Variants in GALNT13 observed in about 807,000 individuals in gnomAD.
GALNT13 encodes the protein UDP-GalNAc:polypeptide N-acetylgalactosaminyltransferase 13.
In GALNT13, 28 loss-of-function variants were observed where a neutral mutation model predicts 64.2. That is an observed-to-expected ratio of 0.44 (90% CI 0.32 to 0.60). The LOEUF (loss-of-function observed/expected upper bound fraction) is 0.60, where lower values mean the gene tolerates loss of function less well. Ranked by LOEUF, GALNT13 falls within the 20% of genes least tolerant of loss-of-function variation. The probability of loss-of-function intolerance (pLI) is 0.05; values close to 1 mark genes in which losing one functional copy is unlikely to be tolerated. For missense variants in GALNT13, 577 were observed against 669.8 expected, an observed-to-expected ratio of 0.86 and a Z score of 1.53; for synonymous variants, 214 against 224.6, an observed-to-expected ratio of 0.95 and a Z score of 0.42.
chr2:153,920,919 C>G (rs1574118219), intron 2 of GALNT13, among the ~76,000 whole-genome samples: 1 of 151,996 alleles, frequency 6.6e-6, no homozygotes, highest in Non-Finnish European at 1.5e-5. Flanking sequence ...TCAAAACCAC[C>G]ATGAGATACC....
chr2:153,757,703 T>G, the GALNT13 span, among the ~76,000 whole-genome samples: 1 of 152,292 alleles, frequency 6.6e-6, no homozygotes, highest in Non-Finnish European at 1.5e-5. Flanking sequence ...CATACCTCAT[T>G]GTTTTAATAT....
At chr2:153,280,311 A>G in the GALNT13 span, among the ~76,000 whole-genome samples, 1 of 152,220 alleles carries the variant, frequency 6.6e-6, no homozygotes, top group Admixed American at 6.5e-5. Context: ...CCTTTCAAAA[A>G]ACCAACTTTT....
chr2:153,152,156 C>G, the GALNT13 span, among the ~76,000 whole-genome samples: 1 of 151,876 alleles, frequency 6.6e-6, no homozygotes, highest in Non-Finnish European at 1.5e-5. Context: ...ACATGGAGCT[C>G]TCCATTATTT....
chr2:154,319,417 G>A (rs1316630322), intron 9 of GALNT13, among the ~76,000 whole-genome samples: 1 of 152,130 alleles, frequency 6.6e-6, no homozygotes, highest in Non-Finnish European at 1.5e-5. Flanking sequence ...TGTAATCCCA[G>A]CATTTTGGGA....
At chr2:153,150,950 A>G in the GALNT13 span, among the ~76,000 whole-genome samples, 1 of 152,084 alleles carries the variant, frequency 6.6e-6, no homozygotes, top group Non-Finnish European at 1.5e-5. Flanking sequence ...TGACTTGGCA[A>G]TGCGGGCTCT....
chr2:153,456,112 A>G, the GALNT13 span, among the ~76,000 whole-genome samples: 2 of 152,202 alleles, frequency 1.3e-5, no homozygotes, highest in East Asian at 3.9e-4. Flanking sequence ...TAGACACATG[A>G]TGGGGCAGGG....
the GALNT13 span, among the ~76,000 whole-genome samples, chr2:153,084,883 A>C: frequency 2.4e-3 from 367 of 152,360 alleles, no homozygotes; most frequent in Non-Finnish European, 3.9e-3. Context: ...GAAATGGGGA[A>C]GTAACTTTGG....
the GALNT13 span, among the ~76,000 whole-genome samples, chr2:153,658,333 T>C: frequency 6.6e-6 from 1 of 152,140 alleles, no homozygotes; most frequent in East Asian, 1.9e-4. Flanking sequence ...TACTGAGCCC[T>C]GGTGTTATTT....
chr2:154,111,211 T>A (rs1702967243), intron 3 of GALNT13, among the ~76,000 whole-genome samples: 1 of 152,146 alleles, frequency 6.6e-6, no homozygotes, highest in Non-Finnish European at 1.5e-5. Context: ...CAGGTCATGG[T>A]TTTTTTCCTG....
At chr2:154,410,242 A>T (rs1699733643) in intron 11 of GALNT13, among the ~76,000 whole-genome samples, 1 of 151,938 alleles carries the variant, frequency 6.6e-6, no homozygotes, top group Admixed American at 6.6e-5. Flanking sequence ...CCAAAAACCA[A>T]TGAAGTCCTG....
the GALNT13 span, among the ~76,000 whole-genome samples, chr2:153,611,925 C>T: frequency 1.3e-5 from 2 of 149,048 alleles, no homozygotes; most frequent in Non-Finnish European, 3.0e-5. Context: ...TCTCATTGTT[C>T]AACTCCCACT....
At chr2:153,264,748 G>C in the GALNT13 span, among the ~76,000 whole-genome samples, 1 of 152,266 alleles carries the variant, frequency 6.6e-6, no homozygotes, top group East Asian at 1.9e-4. Context: ...TAGCTGAACA[G>C]TGAGAACACA....
chr2:153,190,645 T>G, the GALNT13 span, among the ~76,000 whole-genome samples: 15 of 152,196 alleles, frequency 9.9e-5, no homozygotes, highest in East Asian at 2.7e-3. Flanking sequence ...AGAGACTGCA[T>G]TGAATCTATA....
intron 3 of GALNT13, among the ~76,000 whole-genome samples, chr2:154,059,686 A>G (rs953838609): frequency 2.0e-5 from 3 of 151,674 alleles, no homozygotes; most frequent in South Asian, 4.2e-4. Flanking sequence ...TTCTACTAAT[A>G]GTTGGATTTT....
the GALNT13 span, among the ~76,000 whole-genome samples, chr2:153,194,145 C>T: frequency 6.6e-6 from 1 of 152,154 alleles, no homozygotes; most frequent in Non-Finnish European, 1.5e-5. Flanking sequence ...CTTTGCTAGA[C>T]TTAGGAAGTT....
chr2:153,937,666 G>A (rs1183188510), intron 2 of GALNT13, among the ~76,000 whole-genome samples: 1 of 152,182 alleles, frequency 6.6e-6, no homozygotes, highest in African/African-American at 2.4e-5. Flanking sequence ...ATCTAAGGCA[G>A]CATTTCAAAA....
At chr2:153,474,958 C>G in the GALNT13 span, among the ~76,000 whole-genome samples, 1 of 152,196 alleles carries the variant, frequency 6.6e-6, no homozygotes, top group Admixed American at 6.5e-5. Context: ...CAGACAATGG[C>G]TTTCAAAACC....
the GALNT13 span, among the ~76,000 whole-genome samples, chr2:153,259,906 T>G: frequency 6.6e-6 from 1 of 152,180 alleles, no homozygotes; most frequent in Admixed American, 6.5e-5. Flanking sequence ...TGTCTTCCTC[T>G]TAGTGAAGGT....
the GALNT13 span, among the ~76,000 whole-genome samples, chr2:153,073,914 A>G: frequency 6.6e-6 from 1 of 152,060 alleles, no homozygotes; most frequent in Non-Finnish European, 1.5e-5. Flanking sequence ...TATTACTTTG[A>G]TAGATTCTCA....
Sources: gnomAD v4.1 joint callset for allele counts (sites outside exome capture counted in the v4.1 genomes callset) on GRCh38, gnomAD v4.1.1 for gene constraint, MANE v1.5 for transcripts, NCBI Gene and HGNC (gene_info 2026-07-23, HGNC 2026-07-21) for gene names.